Variants in RGS5 observed in about 807,000 individuals in gnomAD.
The protein encoded by RGS5 is regulator of G protein signaling 5, also known as regulator of G-protein signalling 5.
RGS5 carries 20 observed loss-of-function variants against 18.9 expected under a neutral mutation model. The observed-to-expected ratio is 1.06, with a 90% CI of 0.74 to 1.54. RGS5 has a LOEUF of 1.54. Among genes scored for constraint, RGS5 ranks in the 40% most tolerant of loss-of-function variants. The pLI is 0.00. For synonymous variants in RGS5, 57 were observed against 76.2 expected, an observed-to-expected ratio of 0.75 and a Z score of 1.31; for missense variants, 201 against 211.8, an observed-to-expected ratio of 0.95 and a Z score of 0.32.
chr1:163,168,919 T>C (rs1389061000), intron 1 of RGS5, among the ~76,000 whole-genome samples: 2 of 152,128 alleles, frequency 1.3e-5, no homozygotes, highest in Non-Finnish European at 1.5e-5. Flanking sequence ...CATGCAGGTT[T>C]GTTACATATG....
intron 2 of RGS5, among the ~76,000 whole-genome samples, chr1:163,273,452 T>A (rs1205392744): frequency 2.0e-5 from 3 of 152,154 alleles, no homozygotes; most frequent in Non-Finnish European, 4.4e-5. Context: ...TTCCTGATTA[T>A]TTGATCTTTT....
chr1:163,169,962 A>G (rs1012751246), intron 1 of RGS5, among the ~76,000 whole-genome samples: 1 of 152,132 alleles, frequency 6.6e-6, no homozygotes, highest in Non-Finnish European at 1.5e-5. Context: ...TAGTGAGTAG[A>G]TATGGTCAGA....
At chr1:163,287,524 T>A (rs1248926499) in intron 2 of RGS5, among the ~76,000 whole-genome samples, 1 of 152,244 alleles carries the variant, frequency 6.6e-6, no homozygotes, top group Non-Finnish European at 1.5e-5. Flanking sequence ...TCTCAGCCTG[T>A]GGAATGGACT....
chr1:163,255,633 C>T (rs1262411666), intron 2 of RGS5, among the ~76,000 whole-genome samples: 7 of 151,078 alleles, frequency 4.6e-5, no homozygotes, highest in African/African-American at 1.7e-4. Context: ...CATCCTGATA[C>T]CAAAGCCGGG....
At chr1:163,301,436 G>T (rs961992454) in intron 2 of RGS5, among the ~76,000 whole-genome samples, 1 of 151,998 alleles carries the variant, frequency 6.6e-6, no homozygotes, top group Admixed American at 6.6e-5. Flanking sequence ...GGGTTCAAGT[G>T]GTCATCCCAC....
At chr1:163,173,470 C>T (rs1004244408) in intron 1 of RGS5, among the ~76,000 whole-genome samples, 7 of 152,146 alleles carry the variant, frequency 4.6e-5, no homozygotes, top group Non-Finnish European at 7.3e-5. Flanking sequence ...CAAAAGGCCA[C>T]GGACCACCTC....
chr1:163,152,621 A>C lies in RGS5; in HGVS notation c.313T>G (p.Ser105Ala), dbSNP rs141283960. The C allele has an allele frequency of 9.2e-5, 149 of 1,612,880 alleles. No homozygotes were observed. Among genetic ancestry groups the C allele is most frequent in the Non-Finnish European group, 1.1e-4 (134 of 1,179,386 alleles). The change falls in exon 4 of 5, where the codon TCC (serine) becomes GCC (alanine). Residue 105 changes from serine (S) to alanine (A), a missense_variant. Transcript: ENST00000313961. Reference sequence around the variant, plus strand: ...GCCTTCTCAGCCATCTTGGCAGGGGACTTGATCTTCTTGTAATCCTCACAG... The same window carrying C: ...GCCTTCTCAGCCATCTTGGCAGGGGCCTTGATCTTCTTGTAATCCTCACAG... ...IACEDYKKIK[S>A]PAKMAEKAKQ... is the part of the protein sequence containing the mutation.
At chr1:163,195,944 A>C (rs1262813229) in intron 1 of RGS5, among the ~76,000 whole-genome samples, 2 of 152,180 alleles carry the variant, frequency 1.3e-5, no homozygotes, top group Admixed American at 6.5e-5. Flanking sequence ...CACAGTAAGG[A>C]AGAAATAGAG....
rs563863076 is a variant in RGS5, at chr1:163,269,051, A to G, written c.-281+37182T>C. On this transcript the variant is annotated intron_variant, in intron 2 of 5. Transcript: ENST00000618415. ...TAGCATCATCTCCTGCAGTCCTGAA[A>G]GGAATAAAGACCAGGGATTGCATCT... 7.9e-5 allele frequency among the ~76,000 whole-genome samples: 12 copies of G among 152,276 alleles called. No individual in the cohort carries two copies. The South Asian group carries it at 2.1e-3, about 26-fold the overall frequency.
intron 2 of RGS5, among the ~76,000 whole-genome samples, chr1:163,243,154 A>C (rs1341854631): frequency 6.6e-6 from 1 of 152,146 alleles, no homozygotes; most frequent in Non-Finnish European, 1.5e-5. Flanking sequence ...ACATGGATGA[A>C]GCTGGAAACC....
chr1:163,157,041 G>A (rs1212152737), intron 3 of RGS5, among the ~76,000 whole-genome samples: 4 of 152,144 alleles, frequency 2.6e-5, no homozygotes, highest in African/African-American at 7.2e-5. Flanking sequence ...AGCAAAAGGG[G>A]AGTGCAAAGA....
intron 1 of RGS5, among the ~76,000 whole-genome samples, chr1:163,309,549 A>C (rs1305566939): frequency 2.0e-5 from 3 of 151,608 alleles, no homozygotes; most frequent in Admixed American, 2.0e-4. Context: ...TTCAAGTTTT[A>C]TTATAATATT....
At chr1:163,218,877 T>C (rs890783663), upstream of RGS5, among the ~76,000 whole-genome samples, 2 of 152,294 alleles carry the variant, frequency 1.3e-5, no homozygotes, top group South Asian at 2.1e-4. Flanking sequence ...ATTGTGAAGA[T>C]ATAACTTGGA....
rs1657818799 is a variant in RGS5, at chr1:163,161,985, A to G, written c.156-9T>C. The stretch of plus-strand genomic sequence containing the variant: ...CCTCGTCCAGCGAGGTTCTACATCA[A>G]TAATAAGGAGAGAAAAGGGGTATGG... On this transcript the variant is annotated splice_polypyrimidine_tract_variant and intron_variant, in intron 2 of 4. Transcript: ENST00000313961. 3 of 1,610,170 alleles carry G rather than the reference A, an allele frequency of 1.9e-6. No homozygotes were observed. The South Asian group carries it at 3.3e-5, about 18-fold the overall frequency.
chr1:163,294,193 C>T (rs899395838), intron 2 of RGS5, among the ~76,000 whole-genome samples: 2 of 152,214 alleles, frequency 1.3e-5, no homozygotes, highest in Non-Finnish European at 2.9e-5. Context: ...CCCCCCATTT[C>T]CTTTCTGCAT....
intron 2 of RGS5, among the ~76,000 whole-genome samples, chr1:163,276,952 A>G (rs1221592848): frequency 1.3e-5 from 2 of 152,206 alleles, no homozygotes; most frequent in Non-Finnish European, 2.9e-5. Context: ...GACATGCTTC[A>G]TTATATCCTC....
At chr1:163,209,088 T>C (rs1309222325) in intron 1 of RGS5, among the ~76,000 whole-genome samples, 1 of 152,150 alleles carries the variant, frequency 6.6e-6, no homozygotes, top group African/African-American at 2.4e-5. Flanking sequence ...ACAAAAAATG[T>C]TCTATGATTG....
intron 2 of RGS5, chr1:163,306,111 C>T (rs1009783615): frequency 4.6e-5 from 7 of 152,012 alleles, no homozygotes; most frequent in African/African-American, 1.2e-4. Context: ...AATGCTATTC[C>T]GTTATTCTCA....
chr1:163,304,420 TA>T (rs1354407569), intron 2 of RGS5: 2 of 152,216 alleles, frequency 1.3e-5, no homozygotes, highest in Non-Finnish European at 2.9e-5. Flanking sequence ...CTCGAGAAAC[TA>T]ATCTGAGCAA....
Sources: gnomAD v4.1 joint callset for allele counts (sites outside exome capture counted in the v4.1 genomes callset) on GRCh38, gnomAD v4.1.1 for gene constraint, MANE v1.5 for transcripts, NCBI Gene and HGNC (gene_info 2026-07-23, HGNC 2026-07-21) for gene names.